Variants in PSME4 observed in about 807,000 individuals in gnomAD.
PSME4 encodes proteasome activator subunit 4.
PSME4 carries 89 observed loss-of-function variants against 253.9 expected under a neutral mutation model. The observed-to-expected ratio is 0.35, with a 90% CI of 0.30 to 0.42. The LOEUF (loss-of-function observed/expected upper bound fraction) is 0.42. Ranked by LOEUF, PSME4 falls within the 10% of genes least tolerant of loss-of-function variation. PSME4 has a pLI of 1.00. For synonymous variants in PSME4, 851 were observed against 759.2 expected (o/e 1.12, Z -1.99); for missense variants, 2,014 against 2,195.2 (o/e 0.92, Z 1.65).
At chr2:53,924,005 A>G (rs1668450978) in intron 14 of PSME4, among the ~76,000 whole-genome samples, 2 of 151,866 alleles carry the variant, frequency 1.3e-5, no homozygotes, top group African/African-American at 4.8e-5. Context: ...ACCTGGTGGA[A>G]GCAAATGCAA....
chr2:53,908,748 A>C (rs900446925), intron 22 of PSME4, 36 bp downstream of exon 22: 1 of 1,519,506 alleles, frequency 6.6e-7, no homozygotes, highest in African/African-American at 1.4e-5. Context: ...TACTTATTCC[A>C]AAGTACAAAT....
Position 53,919,237 on chromosome 2 carries a change from A to G in PSME4, c.2430T>C (p.Ile810=), listed in dbSNP as rs766124023. 1.5e-5 allele frequency: 23 copies of G among 1,580,032 alleles called. No individual in the cohort carries two copies. The highest frequency in any genetic ancestry group is 2.3e-5 in the East Asian group (1 of 44,026). ...TGTGCACTATAGTCAGACTCTGTAG[A>G]ATATCATCTCTAGAAAAAAAAAAAA... The part of the protein sequence containing the change: ...DGKLEMSRDD[I]LQSLTIVHNC... Residue 810 remains isoleucine (I), a synonymous_variant, in exon 20 of 47, where the codon ATT becomes ATC. Transcript: ENST00000404125.
rs1680316354 is a variant in PSME4, at chr2:53,899,907, T to C, written c.3396A>G (p.Gln1132=). The C allele has an allele frequency of 6.2e-7, 1 of 1,613,520 alleles. No individual in the cohort carries two copies. Residue 1132 remains glutamine, a synonymous_variant, in exon 29 of 47, where the codon CAA becomes CAG. Coordinates refer to ENST00000404125, the MANE Select transcript of PSME4 (RefSeq NM_014614.3). The stretch of plus-strand genomic sequence containing the variant: ...TTAGGGCATCGGCATTCTTTTCCTG[T>C]TGGCGTTTAATTCCTTCCTTAATTT... The part of the protein sequence containing the change: ...PEKIKEGIKR[Q]QEKNADALRN...
At chr2:53,944,586 A>T (rs1198185543) in intron 3 of PSME4, among the ~76,000 whole-genome samples, 2 of 152,224 alleles carry the variant, frequency 1.3e-5, no homozygotes, top group African/African-American at 2.4e-5. Context: ...ACAACCATAA[A>T]ATCTTTTAAA....
At chr2:53,902,239 AT>A (rs774607177) in intron 27 of PSME4, among the ~76,000 whole-genome samples, 23 of 152,216 alleles carry the variant, frequency 1.5e-4, no homozygotes, top group Non-Finnish European at 2.9e-4. Context: ...GTTTGAAATA[AT>A]TTATTAAATA....
intron 14 of PSME4, 114 bp downstream of exon 14, chr2:53,925,425 G>C: frequency 1.0e-6 from 1 of 1,002,230 alleles, no homozygotes; most frequent in Non-Finnish European, 1.4e-6. Flanking sequence ...TAAAACTTTA[G>C]TATGAATGTA....
In PSME4 at chr2:53,937,426, G is replaced by T; in HGVS notation, c.660C>A (p.Thr220=). ...TATGATGAAGTTCTGGAGGAAGGGA[G>T]GTAGGAAGAAATATTTCAAAATAAG... ...AITYFEIFLP[T]SLPPELHHKG... Residue 220 remains threonine, a synonymous_variant, in exon 5 of 47, where the codon ACC becomes ACA. Coordinates refer to ENST00000404125, the MANE Select transcript of PSME4 (RefSeq NM_014614.3). The T allele has an allele frequency of 6.2e-7, 1 of 1,608,394 alleles. No homozygotes were observed. The highest frequency in any genetic ancestry group is 8.5e-7 in the Non-Finnish European group (1 of 1,176,644).
At chr2:53,866,062 A>T in intron 46 of PSME4, 23 bp downstream of exon 46, 1 of 1,583,844 alleles carries the variant, frequency 6.3e-7, no homozygotes, top group East Asian at 2.3e-5. Context: ...AACCAATGTA[A>T]ATTCAGAACT....
At chr2:53,930,056 T>A (rs1400199214) in intron 10 of PSME4, among the ~76,000 whole-genome samples, 3 of 151,250 alleles carry the variant, frequency 2.0e-5, no homozygotes, top group African/African-American at 7.2e-5. Flanking sequence ...AAATAAATAA[T>A]AAATTTTAAA....
chr2:53,897,402 C>A (rs1680193070), intron 31 of PSME4, among the ~76,000 whole-genome samples: 1 of 152,114 alleles, frequency 6.6e-6, no homozygotes, highest in South Asian at 2.1e-4. Context: ...CTCCTGACCT[C>A]AGGTGATCCA....
In PSME4 at chr2:53,885,737, A is replaced by C. The variant is rs911403180; in HGVS notation, c.4768T>G (p.Ser1590Ala). The change falls in exon 41 of 47, where the codon TCT becomes GCT. Residue 1590 changes from serine (S) to alanine (A), a missense_variant. Physicochemically the swap from Ser to Ala is moderately conservative, Grantham distance 99. Coordinates refer to ENST00000404125, the MANE Select transcript of PSME4 (RefSeq NM_014614.3). ...WLMASAGRSF[S>A]TAVTEQLQLL... ...TGAAGTTGTTCTGTAACTGCTGTAGAAAAGGATCTTCCTGCACTTGCCATC... is the reference window on the plus strand; with the variant it reads ...TGAAGTTGTTCTGTAACTGCTGTAGCAAAGGATCTTCCTGCACTTGCCATC... The C allele has an allele frequency of 4.3e-6, 7 of 1,613,318 alleles. No individual in the cohort carries two copies. In the Admixed American group the frequency reaches 8.3e-5, roughly 19 times the overall value.
At chr2:53,918,783 G>C (rs538924407) in intron 20 of PSME4, among the ~76,000 whole-genome samples, 1 of 151,994 alleles carries the variant, frequency 6.6e-6, no homozygotes, top group South Asian at 2.1e-4. Context: ...TTTTTTTAAA[G>C]TTTTTTGCTA....
intron 3 of PSME4, among the ~76,000 whole-genome samples, chr2:53,940,944 T>C (rs1445067714): frequency 2.6e-4 from 12 of 45,768 alleles, no homozygotes; most frequent in African/African-American, 9.5e-4. Context: ...TATATAAATA[T>C]ATATATACAT....
At chr2:53,958,293 T>C (rs914935835) in intron 1 of PSME4, among the ~76,000 whole-genome samples, 11 of 151,532 alleles carry the variant, frequency 7.3e-5, no homozygotes, top group African/African-American at 2.4e-4. Context: ...GAGGTGGAGA[T>C]TGCAGTGAGC....
intron 13 of PSME4, 50 bp downstream of exon 13, chr2:53,925,909 A>G: frequency 6.5e-7 from 1 of 1,528,708 alleles, no homozygotes; most frequent in Non-Finnish European, 9.1e-7. Context: ...GGGATAGAAG[A>G]GTCATTTTCT....
chr2:53,872,623 T>C (rs377584661), intron 43 of PSME4, among the ~76,000 whole-genome samples: 47 of 150,932 alleles, frequency 3.1e-4, no homozygotes, highest in African/African-American at 1.1e-3. Flanking sequence ...ATACCCATAG[T>C]CCCAGCTACT....
chr2:53,919,942 C>T (rs995092028), intron 19 of PSME4, among the ~76,000 whole-genome samples: 1 of 151,878 alleles, frequency 6.6e-6, no homozygotes, highest in South Asian at 2.1e-4. Context: ...TTCCAAAAGA[C>T]AAGTGAAATT....
intron 12 of PSME4, among the ~76,000 whole-genome samples, chr2:53,927,147 A>G (rs1431027047): frequency 6.6e-6 from 1 of 152,208 alleles, no homozygotes; most frequent in Non-Finnish European, 1.5e-5. Flanking sequence ...TTGAAAAGTG[A>G]CATAAAACTG....
intron 36 of PSME4, among the ~76,000 whole-genome samples, 162 bp from the exon 37 acceptor site, chr2:53,890,370 G>C (rs1679850434): frequency 1.3e-5 from 2 of 152,198 alleles, no homozygotes; most frequent in Non-Finnish European, 2.9e-5. Context: ...GCAGTGGAAT[G>C]ATCATACCTC....
Sources: allele counts gnomAD v4.1 joint callset (sites outside exome capture counted in the v4.1 genomes callset), GRCh38; gene constraint gnomAD v4.1.1; transcripts MANE v1.5; gene names NCBI Gene and HGNC (gene_info 2026-07-23, HGNC 2026-07-21).